The following VPS37A variants were observed in gnomAD, a reference collection of about 807,000 sequenced individuals.
The protein encoded by VPS37A is vacuolar protein sorting-associated protein 37A.
Under a neutral mutation model 49.8 loss-of-function variants are expected in VPS37A, and 30 were observed. That is an observed-to-expected ratio of 0.60 (90% confidence interval 0.45 to 0.82). The LOEUF is 0.82. Ranked by LOEUF, VPS37A falls within the 40% of genes least tolerant of loss-of-function variation. The pLI is 0.00. For synonymous variants in VPS37A, 195 were observed against 160.6 expected (o/e 1.21, Z -1.62); for missense variants, 593 against 464.4 (o/e 1.28, Z -2.55).
At chr8:17,311,780 C>G in the VPS37A span, 1 of 1,317,358 alleles carries the variant, frequency 7.6e-7, no homozygotes, top group Non-Finnish European at 1.0e-6. Flanking sequence ...TAGGGCCCCC[C>G]CTAATTAGGG....
intron 9 of VPS37A, among the ~76,000 whole-genome samples, chr8:17,282,085 G>A (rs1038918391): frequency 8.6e-5 from 13 of 151,776 alleles, no homozygotes; most frequent in African/African-American, 2.7e-4. Flanking sequence ...GGGTAGTCAG[G>A]AAGAGCTTGA....
chr8:17,268,399 G>A (rs573751496), intron 3 of VPS37A, 27 bp downstream of exon 3: 1 of 1,485,890 alleles, frequency 6.7e-7, no homozygotes, highest in East Asian at 2.3e-5. Context: ...ATTTATTTCA[G>A]GGTAATATAA....
At chr8:17,282,673 T>C (rs1417407697) in intron 9 of VPS37A, among the ~76,000 whole-genome samples, 1 of 152,142 alleles carries the variant, frequency 6.6e-6, no homozygotes, top group Non-Finnish European at 1.5e-5. Context: ...GATTCTGCTT[T>C]AACAGTTATT....
intron 1 of VPS37A, chr8:17,248,417 G>C (rs1001349268): frequency 1.8e-5 from 8 of 454,318 alleles, no homozygotes; most frequent in Admixed American, 1.4e-4. Flanking sequence ...TGGGATTACA[G>C]GTGCGCGCCA....
intron 10 of VPS37A, among the ~76,000 whole-genome samples, chr8:17,285,538 A>C (rs747449811): frequency 2.6e-5 from 4 of 152,256 alleles, no homozygotes; most frequent in Non-Finnish European, 4.4e-5. Context: ...TTTTAAAAAT[A>C]GTATTTTGTT....
At chr8:17,257,159 C>G (rs1812541196) in intron 1 of VPS37A, among the ~76,000 whole-genome samples, 1 of 152,086 alleles carries the variant, frequency 6.6e-6, no homozygotes, top group Admixed American at 6.6e-5. Context: ...CCCAATTTTC[C>G]CAGCACCGTT....
chr8:17,256,299 T>TTC (rs1356252351), intron 1 of VPS37A, among the ~76,000 whole-genome samples: 1 of 124,330 alleles, frequency 8.0e-6, no homozygotes, highest in East Asian at 2.1e-4. Context: ...GATTTTTTTT[T>TTC]TTTTTTTTTT....
chr8:17,318,422 G>A, the VPS37A span, among the ~76,000 whole-genome samples: 2 of 152,108 alleles, frequency 1.3e-5, no homozygotes, highest in Non-Finnish European at 2.9e-5. Flanking sequence ...AAAGGTACAG[G>A]ATGAGCACCC....
chr8:17,292,486 A>C (rs1816244299), intron 11 of VPS37A, among the ~76,000 whole-genome samples: 2 of 152,176 alleles, frequency 1.3e-5, no homozygotes, highest in Non-Finnish European at 1.5e-5. Context: ...TTATGTGTGA[A>C]TTTGATCCTG....
chr8:17,304,975 C>T (rs1017876968), downstream of VPS37A, among the ~76,000 whole-genome samples: 1 of 151,962 alleles, frequency 6.6e-6, no homozygotes, highest in African/African-American at 2.4e-5. Context: ...AGTGGAAAAG[C>T]CATATTCAGA....
At position 17,297,500 on chromosome 8, in the gene VPS37A, T is replaced by C. The variant is rs1477871655; in HGVS notation, c.*2514T>C. 2 of 152,090 alleles carry C rather than the reference T, an allele frequency of 1.3e-5. No individual in the cohort carries two copies. The highest frequency in any genetic ancestry group is 2.9e-5 in the Non-Finnish European group (2 of 67,944). The allele number at this position is 152,090 out of a possible 1,614,324, so 9.4% of individuals were successfully genotyped here. ...TGGTTTCTGTCTCTGATCATCACCT[T>C]CCATTCTATAAAAAGCTCAGTTACT... is the stretch of plus-strand genomic sequence containing the variant. On this transcript the variant is annotated 3_prime_UTR_variant, in exon 12 of 12. Coordinates refer to ENST00000324849, the MANE Select transcript of VPS37A (RefSeq NM_152415.3).
chr8:17,248,151 T>C (rs1318689472), intron 1 of VPS37A: 1 of 368,288 alleles, frequency 2.7e-6, no homozygotes, highest in African/African-American at 2.1e-5. Flanking sequence ...TCTAATGGTT[T>C]TCAAAAATTA....
chr8:17,259,952 C>T (rs191968642), intron 1 of VPS37A, among the ~76,000 whole-genome samples: 2 of 152,178 alleles, frequency 1.3e-5, no homozygotes, highest in East Asian at 1.9e-4. Flanking sequence ...TTTCAGTCTA[C>T]GTGTGTCTTT....
chr8:17,274,421 G>T (rs1363587857), intron 4 of VPS37A, among the ~76,000 whole-genome samples: 1 of 152,104 alleles, frequency 6.6e-6, no homozygotes, highest in East Asian at 1.9e-4. Context: ...TAGCAGTGGA[G>T]TGCTGAAAAC....
intron 1 of VPS37A, among the ~76,000 whole-genome samples, chr8:17,251,517 C>T (rs1811973282): frequency 6.6e-6 from 1 of 152,184 alleles, no homozygotes; most frequent in South Asian, 2.1e-4. Flanking sequence ...TGCCTCTTAG[C>T]CTATAAGCTT....
chr8:17,259,438 C>T (rs1441446323), intron 1 of VPS37A, among the ~76,000 whole-genome samples: 1 of 152,038 alleles, frequency 6.6e-6, no homozygotes, highest in Non-Finnish European at 1.5e-5. Flanking sequence ...AGAAAACATA[C>T]TTGATGTAAT....
In VPS37A at chr8:17,268,509, C is replaced by T. The variant is rs576394665; in HGVS notation, c.315+137C>T. The T allele has an allele frequency of 1.1e-5, 7 of 646,506 alleles. No individual in the cohort carries two copies. In the South Asian group the frequency reaches 1.7e-4, roughly 15 times the overall value. 40.0% of individuals were successfully genotyped at this position (646,506 alleles called of 1,614,324 possible). On this transcript the variant is annotated intron_variant, in intron 3 of 11. Transcript: ENST00000324849. ...TTTTTTAAAAATTGAATATTTAAGA[C>T]TACGCCTTAAAGTTCTTACAATATG...
chr8:17,306,203 G>C (rs769161325), downstream of VPS37A, among the ~76,000 whole-genome samples: 1 of 152,124 alleles, frequency 6.6e-6, no homozygotes, highest in Non-Finnish European at 1.5e-5. Context: ...GTTAGTGCAA[G>C]AAATAAAATT....
At chr8:17,255,520 A>ATG (rs1812363008) in intron 1 of VPS37A, among the ~76,000 whole-genome samples, 2 of 152,056 alleles carry the variant, frequency 1.3e-5, no homozygotes, top group East Asian at 1.9e-4. Flanking sequence ...ATGTGTATAT[A>ATG]TGTGTGTATA....
Sources: allele counts gnomAD v4.1 joint callset (sites outside exome capture counted in the v4.1 genomes callset), GRCh38; gene constraint gnomAD v4.1.1; transcripts MANE v1.5; gene names NCBI Gene and HGNC (gene_info 2026-07-23, HGNC 2026-07-21).